The following TRHDE variants were observed in gnomAD, a reference collection of about 807,000 sequenced individuals.
TRHDE encodes the protein thyrotropin releasing hormone degrading enzyme.
A neutral mutation model predicts 125.7 loss-of-function variants in TRHDE; 72 were observed. That is an observed-to-expected ratio of 0.57 (90% CI 0.47 to 0.70). TRHDE has a LOEUF of 0.70. TRHDE is among the 30% of genes least tolerant of loss of function. TRHDE has a pLI of 0.00. For synonymous variants in TRHDE, 509 were observed against 509.1 expected, an observed-to-expected ratio of 1.00 and a Z score of 0.00; for missense variants, 1,110 against 1,327.1, an observed-to-expected ratio of 0.84 and a Z score of 2.54.
At chr12:72,283,726 C>T (rs1026655543) in intron 1 of TRHDE, among the ~76,000 whole-genome samples, 2 of 152,060 alleles carry the variant, frequency 1.3e-5, no homozygotes, top group South Asian at 2.1e-4. Flanking sequence ...GAGGTATTTA[C>T]ATCTTTTACA....
At chr12:72,282,296 A>G (rs1284146621) in intron 1 of TRHDE, among the ~76,000 whole-genome samples, 1 of 152,000 alleles carries the variant, frequency 6.6e-6, no homozygotes, top group East Asian at 1.9e-4. Flanking sequence ...TTAATTTTTT[A>G]TATTTATTAT....
intron 17 of TRHDE, among the ~76,000 whole-genome samples, chr12:72,656,018 C>T (rs1874695879): frequency 6.6e-6 from 1 of 152,106 alleles, no homozygotes; most frequent in South Asian, 2.1e-4. Context: ...TAGGGAAGCA[C>T]TGGAAAACCT....
At chr12:72,584,997 ATCT>A (rs1871381805) in intron 12 of TRHDE, among the ~76,000 whole-genome samples, 1 of 152,120 alleles carries the variant, frequency 6.6e-6, no homozygotes, top group Admixed American at 6.6e-5. Context: ...TATTTTTATC[ATCT>A]TCTGAGGGAA....
chr12:72,201,974 G>T (rs1877568824), intron 2 of TRHDE, among the ~76,000 whole-genome samples: 1 of 152,114 alleles, frequency 6.6e-6, no homozygotes, highest in Admixed American at 6.5e-5. Flanking sequence ...AGTAATTCCA[G>T]AACTCTGTCT....
chr12:72,597,758 T>TATATATAC (rs1565804834), intron 12 of TRHDE, among the ~76,000 whole-genome samples: 66 of 20,292 alleles, frequency 3.3e-3, no homozygotes, highest in Non-Finnish European at 4.2e-3. Flanking sequence ...TATATATATA[T>TATATATAC]GCATACACAC....
At chr12:72,346,033 T>C (rs1451523234) in intron 2 of TRHDE, among the ~76,000 whole-genome samples, 2 of 79,588 alleles carry the variant, frequency 2.5e-5, no homozygotes, top group African/African-American at 5.7e-5. Context: ...CATGGAATGA[T>C]ATGAAAAATT....
chr12:72,416,501 A>G (rs1401260151), intron 3 of TRHDE, among the ~76,000 whole-genome samples: 1 of 151,828 alleles, frequency 6.6e-6, no homozygotes, highest in Non-Finnish European at 1.5e-5. Flanking sequence ...TTTACTTCTA[A>G]TAGTTTCATA....
chr12:72,468,882 T>G (rs1196839750), intron 3 of TRHDE, among the ~76,000 whole-genome samples: 1 of 152,164 alleles, frequency 6.6e-6, no homozygotes, highest in Non-Finnish European at 1.5e-5. Flanking sequence ...CTGGAGATGT[T>G]TTTTAGTTTT....
At position 72,455,221 on chromosome 12, in the gene TRHDE, C is replaced by G. The variant is rs376362743; in HGVS notation, c.1316-14537C>G. Among the ~76,000 whole-genome samples, 6 of 152,144 alleles carry G rather than the reference C, an allele frequency of 3.9e-5. No individual in the cohort carries two copies. The South Asian group carries it at 1.2e-3, about 32-fold the overall frequency. ...GTGCTAAATTTTATCAATAGATAAT[C>G]ACTACAGAAAAATTTGTAAAAACTT... On this transcript the variant is annotated intron_variant, in intron 3 of 18. Coordinates refer to ENST00000261180, the MANE Select transcript of TRHDE (RefSeq NM_013381.3).
At chr12:72,217,106 G>A (rs969875617) in intron 2 of TRHDE, among the ~76,000 whole-genome samples, 2 of 151,908 alleles carry the variant, frequency 1.3e-5, no homozygotes, top group African/African-American at 4.8e-5. Flanking sequence ...AGAGAAAATA[G>A]GAAGTGGATA....
intron 5 of TRHDE, among the ~76,000 whole-genome samples, chr12:72,475,979 C>T (rs534926937): frequency 8.5e-5 from 13 of 152,128 alleles, no homozygotes; most frequent in African/African-American, 2.9e-4. Context: ...TGCAGTGGCA[C>T]GATCTTGGCT....
intron 15 of TRHDE, among the ~76,000 whole-genome samples, chr12:72,630,138 A>G (rs1416925069): frequency 6.6e-6 from 1 of 151,640 alleles, no homozygotes; most frequent in Non-Finnish European, 1.5e-5. Flanking sequence ...ACACCCACAT[A>G]CATCTGTGGG....
intron 12 of TRHDE, among the ~76,000 whole-genome samples, chr12:72,593,968 A>G (rs917871513): frequency 6.6e-6 from 1 of 152,178 alleles, no homozygotes; most frequent in African/African-American, 2.4e-5. Flanking sequence ...TAGTGCCACA[A>G]TAAACATACC....
intron 2 of TRHDE, among the ~76,000 whole-genome samples, chr12:72,120,216 A>G (rs1875545386): frequency 6.6e-6 from 1 of 151,582 alleles, no homozygotes; most frequent in Non-Finnish European, 1.5e-5. Flanking sequence ...ACGCCTGGTT[A>G]ATTTTTGTAT....
intron 2 of TRHDE, among the ~76,000 whole-genome samples, chr12:72,222,273 A>G (rs1878017177): frequency 6.6e-6 from 1 of 152,034 alleles, no homozygotes; most frequent in Non-Finnish European, 1.5e-5. Context: ...AATGAGAGAG[A>G]TTGTTCCTGG....
chr12:72,313,980 A>G (rs940383142), intron 2 of TRHDE, among the ~76,000 whole-genome samples: 4 of 152,148 alleles, frequency 2.6e-5, no homozygotes, highest in Admixed American at 2.0e-4. Flanking sequence ...TCACTCCCAC[A>G]GGACCTGGGA....
At chr12:72,419,393 T>G (rs912344386) in intron 3 of TRHDE, among the ~76,000 whole-genome samples, 7 of 152,180 alleles carry the variant, frequency 4.6e-5, no homozygotes, top group African/African-American at 1.7e-4. Context: ...AGAGGTTTTT[T>G]GGCTCATGGT....
intron 3 of TRHDE, among the ~76,000 whole-genome samples, chr12:72,452,560 A>G (rs557749168): frequency 1.3e-5 from 2 of 152,230 alleles, no homozygotes; most frequent in Admixed American, 1.3e-4. Flanking sequence ...GTTGAGTATA[A>G]TGTTAGCTAT....
chr12:72,541,099 T>C (rs913604202), intron 6 of TRHDE, among the ~76,000 whole-genome samples: 2 of 151,602 alleles, frequency 1.3e-5, no homozygotes, highest in Non-Finnish European at 3.0e-5. Context: ...TGATTCTATA[T>C]GTGATTCTTA....
Sources: allele counts gnomAD v4.1 joint callset (sites outside exome capture counted in the v4.1 genomes callset), GRCh38; gene constraint gnomAD v4.1.1; transcripts MANE v1.5; gene names NCBI Gene and HGNC (gene_info 2026-07-23, HGNC 2026-07-21).